Variants in SDCCAG8 observed in about 807,000 individuals in gnomAD.
The protein encoded by SDCCAG8 is SHH signaling and ciliogenesis regulator SDCCAG8, also known as serologically defined colon cancer antigen 8.
Under a neutral mutation model 101.8 loss-of-function variants are expected in SDCCAG8, and 74 were observed. That is an observed-to-expected ratio of 0.73 (90% CI 0.60 to 0.88). SDCCAG8 has a LOEUF of 0.88. SDCCAG8 is among the 40% of genes least tolerant of loss of function. The pLI is 0.00. For synonymous variants in SDCCAG8, 281 were observed against 292.9 expected, an observed-to-expected ratio of 0.96 and a Z score of 0.41; for missense variants, 787 against 822.6, an observed-to-expected ratio of 0.96 and a Z score of 0.53.
chr1:243,290,411 T>C (rs1050345848), intron 5 of SDCCAG8, among the ~76,000 whole-genome samples: 1 of 152,208 alleles, frequency 6.6e-6, no homozygotes, highest in African/African-American at 2.4e-5. Flanking sequence ...TGATCTGTGG[T>C]CTACATGCTC....
At chr1:243,352,778 T>C (rs990524954) in intron 12 of SDCCAG8, among the ~76,000 whole-genome samples, 2 of 152,248 alleles carry the variant, frequency 1.3e-5, no homozygotes, top group African/African-American at 4.8e-5. Flanking sequence ...CTTCCACTTT[T>C]TGTACATATG....
At position 243,412,399 on chromosome 1, in the gene SDCCAG8, G is replaced by A. The variant is rs73120309; in HGVS notation, c.1617-3303G>A. 7.9e-3 allele frequency among the ~76,000 whole-genome samples: 1,207 copies of A among 152,202 alleles called. 23 individuals carry two copies. Among genetic ancestry groups the A allele is most frequent in the African/African-American group, 0.028 (1,158 of 41,540 alleles). ...TAAAAAGGAAAAAACAAAAAGGCCC[G>A]TGCATAAATCTCATAATGTTTTAAG... On this transcript the variant is annotated intron_variant, in intron 13 of 17. Coordinates refer to ENST00000366541, the MANE Select transcript of SDCCAG8 (RefSeq NM_006642.5).
At chr1:243,414,894 C>T (rs1354426192) in intron 13 of SDCCAG8, among the ~76,000 whole-genome samples, 1 of 151,816 alleles carries the variant, frequency 6.6e-6, no homozygotes, top group Non-Finnish European at 1.5e-5. Flanking sequence ...CATGCACACA[C>T]ACACTGTCAG....
chr1:243,344,412 A>T (rs1348823649), intron 12 of SDCCAG8, 81 bp downstream of exon 12: 2 of 1,049,530 alleles, frequency 1.9e-6, no homozygotes, highest in Non-Finnish European at 3.0e-6. Context: ...TTTATTCCTA[A>T]TTTATTTATT....
At chr1:243,352,969 C>T (rs1409505870) in intron 12 of SDCCAG8, among the ~76,000 whole-genome samples, 1 of 152,156 alleles carries the variant, frequency 6.6e-6, no homozygotes, top group Non-Finnish European at 1.5e-5. Context: ...AGAACAGCCA[C>T]TATGACAGAT....
intron 10 of SDCCAG8, among the ~76,000 whole-genome samples, chr1:243,336,103 A>G (rs2783969): frequency 0.97 from 147,173 of 152,332 alleles, 71,288 homozygotes; most frequent in East Asian, 1. Context: ...ATGAACATGT[A>G]AGTACATGTG....
intron 6 of SDCCAG8, among the ~76,000 whole-genome samples, chr1:243,294,526 A>AGAGAGAGAGAGAG (rs1553298249): frequency 4.1e-5 from 6 of 147,544 alleles, no homozygotes; most frequent in South Asian, 2.2e-4. Flanking sequence ...AGAGAGAGAG[A>AGAGAGAGAGAGAG]ACAACCCACC....
intron 16 of SDCCAG8, among the ~76,000 whole-genome samples, chr1:243,481,313 G>A (rs1283603968): frequency 6.6e-6 from 1 of 152,126 alleles, no homozygotes; most frequent in Admixed American, 6.5e-5. Flanking sequence ...GTCGCACTGT[G>A]GGCCTTGCTC....
intron 15 of SDCCAG8, among the ~76,000 whole-genome samples, chr1:243,425,693 A>G (rs556941480): frequency 6.6e-6 from 1 of 152,340 alleles, no homozygotes; most frequent in African/African-American, 2.4e-5. Context: ...GGAAAGGAAT[A>G]TAATTTTTCT....
At chr1:243,394,288 G>A (rs926112390) in intron 13 of SDCCAG8, among the ~76,000 whole-genome samples, 2 of 152,216 alleles carry the variant, frequency 1.3e-5, no homozygotes, top group East Asian at 1.9e-4. Context: ...ATCTAATTTG[G>A]TGCTGTCAAA....
At chr1:243,498,256 G>A (rs1334926611) in intron 17 of SDCCAG8, among the ~76,000 whole-genome samples, 5 of 152,204 alleles carry the variant, frequency 3.3e-5, no homozygotes, top group South Asian at 4.1e-4. Context: ...GGCAGTCTCC[G>A]TGCTGTCAGT....
intron 12 of SDCCAG8, among the ~76,000 whole-genome samples, chr1:243,350,913 C>T (rs1456254976): frequency 3.3e-5 from 5 of 152,190 alleles, no homozygotes; most frequent in Admixed American, 6.5e-5. Flanking sequence ...AGAAAGACAT[C>T]GTTGTATCTT....
At chr1:243,279,890 C>T (rs965544685) in intron 4 of SDCCAG8, among the ~76,000 whole-genome samples, 1 of 151,922 alleles carries the variant, frequency 6.6e-6, no homozygotes, top group African/African-American at 2.4e-5. Flanking sequence ...TCACTTGGTT[C>T]GGGTATTAGG....
chr1:243,321,174 A>G (rs1051575443), intron 9 of SDCCAG8, among the ~76,000 whole-genome samples: 5 of 152,116 alleles, frequency 3.3e-5, no homozygotes, highest in African/African-American at 9.7e-5. Flanking sequence ...TGGTGGGCAC[A>G]TTTACCTCCA....
intron 16 of SDCCAG8, among the ~76,000 whole-genome samples, chr1:243,452,819 G>A (rs2083466573): frequency 6.6e-6 from 1 of 152,180 alleles, no homozygotes; most frequent in Non-Finnish European, 1.5e-5. Context: ...TCTTTTCTGA[G>A]AAGCAGATCC....
At chr1:243,403,647 G>A (rs2079552035) in intron 13 of SDCCAG8, among the ~76,000 whole-genome samples, 1 of 136,246 alleles carries the variant, frequency 7.3e-6, no homozygotes, top group South Asian at 2.2e-4. Context: ...AGCATCATTG[G>A]ATTCCCATGG....
chr1:243,312,533 C>T (rs559360274), intron 8 of SDCCAG8, among the ~76,000 whole-genome samples: 2 of 152,058 alleles, frequency 1.3e-5, no homozygotes, highest in Admixed American at 6.5e-5. Context: ...ATGGTGAAAC[C>T]CCATCTCTAC....
chr1:243,262,647 A>G (rs1428514774), intron 1 of SDCCAG8, among the ~76,000 whole-genome samples: 1 of 152,220 alleles, frequency 6.6e-6, no homozygotes, highest in East Asian at 1.9e-4. Context: ...TCTTTGTCAG[A>G]AATAGGTATA....
chr1:243,310,662 C>G lies in SDCCAG8; in HGVS notation c.929+2485C>G, dbSNP rs151220211. On this transcript the variant is annotated intron_variant, in intron 8 of 17. Transcript: ENST00000366541. ...ATTTGTTTCTATTAAAAAATAAATT[C>G]CCTTACAATAAAACATTACATATTC... 1.3e-3 allele frequency among the ~76,000 whole-genome samples: 201 copies of G among 152,108 alleles called. 2 individuals carry two copies. In the East Asian group the frequency reaches 0.036, roughly 27 times the overall value.
Sources: gnomAD v4.1 joint callset for allele counts (sites outside exome capture counted in the v4.1 genomes callset) on GRCh38, gnomAD v4.1.1 for gene constraint, MANE v1.5 for transcripts, NCBI Gene and HGNC (gene_info 2026-07-23, HGNC 2026-07-21) for gene names.